BPIFC: variants seen among roughly 807,000 people sequenced by gnomAD.
The protein encoded by BPIFC is BPI fold-containing family C protein.
Under a neutral mutation model 57.6 loss-of-function variants are expected in BPIFC, and 60 were observed. The ratio of observed to expected loss-of-function variants is 1.04; its 90% CI spans 0.85 to 1.29. The LOEUF (loss-of-function observed/expected upper bound fraction) is 1.29, where lower values mean the gene tolerates loss of function less well. Among genes scored for constraint, BPIFC ranks in the 50% most tolerant of loss-of-function variants. The pLI is 0.00. For missense variants in BPIFC, 581 were observed against 600.5 expected (o/e 0.97, Z 0.34); for synonymous variants, 243 against 224.5 (o/e 1.08, Z -0.74).
chr22:32,429,117 A>G (rs7285033), intron 13 of BPIFC, among the ~76,000 whole-genome samples: 74,503 of 151,902 alleles, frequency 0.49, 19,275 homozygotes, highest in African/African-American at 0.68. Context: ...TACAATTAAC[A>G]GCTGTTGTGT....
intron 13 of BPIFC, among the ~76,000 whole-genome samples, chr22:32,423,748 T>A (rs1222137430): frequency 6.6e-6 from 1 of 151,616 alleles, no homozygotes; most frequent in Non-Finnish European, 1.5e-5. Flanking sequence ...GAGCTTTGCA[T>A]GGGATTAAGA....
chr22:32,440,885 T>C (rs542105622), intron 8 of BPIFC, among the ~76,000 whole-genome samples: 1 of 152,302 alleles, frequency 6.6e-6, no homozygotes, highest in Admixed American at 6.5e-5. Context: ...TCTTTGCTTT[T>C]GCCCTTGACC....
intron 8 of BPIFC, among the ~76,000 whole-genome samples, chr22:32,440,745 A>G (rs1934542930): frequency 6.6e-6 from 1 of 152,164 alleles, no homozygotes; most frequent in African/African-American, 2.4e-5. Context: ...GATCTGTTGC[A>G]CAAAAACCAC....
chr22:32,448,755 T>C (rs1274766376), intron 4 of BPIFC, among the ~76,000 whole-genome samples: 4 of 151,896 alleles, frequency 2.6e-5, no homozygotes, highest in African/African-American at 7.3e-5. Flanking sequence ...CTGGCCAACA[T>C]AGTGAAACCC....
chr22:32,431,497 T>C (rs1325649871), intron 12 of BPIFC, 83 bp from the exon 13 acceptor site: 1 of 951,596 alleles, frequency 1.1e-6, no homozygotes, highest in African/African-American at 1.6e-5. Context: ...GTTGAAACAT[T>C]ATAAGCCCAA....
chr22:32,447,383 CAT>C (rs765318350), intron 4 of BPIFC, 43 bp from the exon 5 acceptor site: 39 of 1,590,708 alleles, frequency 2.5e-5, no homozygotes, highest in Non-Finnish European at 2.6e-6. Context: ...TCTTCCAGCA[CAT>C]CTCTTCAGTC....
At chr22:32,434,827 T>A (rs892739716) in intron 10 of BPIFC, among the ~76,000 whole-genome samples, 9 of 152,324 alleles carry the variant, frequency 5.9e-5, no homozygotes, top group African/African-American at 1.9e-4. Flanking sequence ...CAAAAAGAGA[T>A]GCTCAATAAA....
intron 13 of BPIFC, among the ~76,000 whole-genome samples, chr22:32,424,648 T>TTCTTC (rs1933967311): frequency 2.3e-5 from 1 of 44,190 alleles, no homozygotes; most frequent in African/African-American, 2.2e-4. Context: ...TCTTCTCTTC[T>TTCTTC]TCTTCTTCTT....
At position 32,414,557 on chromosome 22, in the gene BPIFC, A is replaced by C. The variant is rs1601436893; in HGVS notation, c.1402-132T>G. ...GATGGAGTCTCAAAGGCTGTCGCCC[A>C]GGCTGGAGTGTGGTGGTGCGATCTT... On this transcript the variant is annotated intron_variant, in intron 16 of 16. Coordinates refer to ENST00000300399, the MANE Select transcript of BPIFC (RefSeq NM_174932.3). 13 of 1,160,976 alleles carry C rather than the reference A, an allele frequency of 1.1e-5. No individual in the cohort carries two copies. The South Asian group carries it at 1.9e-4, about 17-fold the overall frequency. The allele number at this position is 1,160,976 out of a possible 1,614,324, so 71.9% of individuals were successfully genotyped here.
intron 4 of BPIFC, among the ~76,000 whole-genome samples, chr22:32,448,216 ATGCCACCACACC>A (rs992435603): frequency 1.3e-5 from 2 of 151,920 alleles, no homozygotes; most frequent in Admixed American, 6.6e-5. Flanking sequence ...CTACAGGCGC[ATGCCACCACACC>A]TGGATAATTT....
At chr22:32,450,130 AC>A (rs1934853175) in intron 4 of BPIFC, among the ~76,000 whole-genome samples, 1 of 125,944 alleles carries the variant, frequency 7.9e-6, no homozygotes, top group East Asian at 2.0e-4. Flanking sequence ...ACACACACAC[AC>A]ACACACACAC....
At chr22:32,443,073 G>A (rs1431152293) in intron 7 of BPIFC, among the ~76,000 whole-genome samples, 2 of 151,786 alleles carry the variant, frequency 1.3e-5, no homozygotes, top group East Asian at 1.9e-4. Flanking sequence ...TGGAGCTGCT[G>A]TATCTTTCCT....
At chr22:32,439,517 G>T (rs1203991436) in intron 8 of BPIFC, among the ~76,000 whole-genome samples, 3 of 152,094 alleles carry the variant, frequency 2.0e-5, no homozygotes, top group Non-Finnish European at 4.4e-5. Context: ...CTCTTTTCTT[G>T]CATGTCATAG....
chr22:32,422,661 T>C (rs1690178768), intron 13 of BPIFC, among the ~76,000 whole-genome samples: 1 of 151,690 alleles, frequency 6.6e-6, no homozygotes, highest in Non-Finnish European at 1.5e-5. Flanking sequence ...TGAGCCAAGA[T>C]CATACCGCTG....
At chr22:32,453,067 G>A (rs62241181) in intron 4 of BPIFC, among the ~76,000 whole-genome samples, 19,846 of 152,146 alleles carry the variant, frequency 0.13, 1,744 homozygotes, top group Non-Finnish European at 0.19. Context: ...TCCATTGTTG[G>A]TTAGGCAGGA....
At position 32,437,867 on chromosome 22, in the gene BPIFC, A is replaced by T. The variant is rs1317548993; in HGVS notation, c.656-16T>A. ...TTGGTTAAAACTAAATAACCAACAA[A>T]GAAAAAAGAAAATCCATATTCATTA... On this transcript the variant is annotated splice_polypyrimidine_tract_variant and intron_variant, in intron 8 of 16. Transcript: ENST00000300399. 6.7e-7 allele frequency: 1 copy of T among 1,495,754 alleles called. No homozygotes were observed. The highest frequency in any genetic ancestry group is 9.3e-7 in the Non-Finnish European group (1 of 1,076,156). 92.7% of individuals were successfully genotyped at this position (1,495,754 alleles called of 1,614,324 possible).
chr22:32,449,967 C>T (rs1367287149), intron 4 of BPIFC, among the ~76,000 whole-genome samples: 1 of 151,862 alleles, frequency 6.6e-6, no homozygotes, highest in South Asian at 2.1e-4. Flanking sequence ...ATCTCCTGAC[C>T]TTCTGATCCA....
chr22:32,433,576 G>A (rs1277564076), intron 11 of BPIFC, 143 bp downstream of exon 11: 7 of 683,128 alleles, frequency 1.0e-5, no homozygotes, highest in Non-Finnish European at 1.5e-5. Context: ...GTAAATATTT[G>A]TAGATATTCG....
chr22:32,431,023 A>G (rs914726343), intron 13 of BPIFC, among the ~76,000 whole-genome samples: 4 of 152,158 alleles, frequency 2.6e-5, no homozygotes, highest in African/African-American at 7.2e-5. Flanking sequence ...AAAGCTTGAC[A>G]GTACCATTTT....
Sources: allele counts gnomAD v4.1 joint callset (sites outside exome capture counted in the v4.1 genomes callset), GRCh38; gene constraint gnomAD v4.1.1; transcripts MANE v1.5; gene names NCBI Gene and HGNC (gene_info 2026-07-23, HGNC 2026-07-21).